The following FXN variants were observed in gnomAD, a reference collection of about 807,000 sequenced individuals.
FXN encodes frataxin, also known as frataxin, mitochondrial.
In FXN, 14 loss-of-function variants were observed where a neutral mutation model predicts 22.4. The observed-to-expected ratio is 0.62, with a 90% CI of 0.41 to 0.98. The LOEUF is 0.98. Among genes scored for constraint, FXN ranks in the 50% least tolerant of loss-of-function variants. The pLI is 0.00. For synonymous variants in FXN, 120 were observed against 114.1 expected, an observed-to-expected ratio of 1.05 and a Z score of -0.33; for missense variants, 267 against 268.4, an observed-to-expected ratio of 0.99 and a Z score of 0.04.
At position 69,072,926 on chromosome 9, in the gene FXN, C is replaced by G; in HGVS notation, c.*164C>G. 2.0e-6 allele frequency: 3 copies of G among 1,471,196 alleles called. No homozygotes were observed. Among genetic ancestry groups the G allele is most frequent in the Non-Finnish European group, 2.7e-6 (3 of 1,119,782 alleles). 91.1% of individuals were successfully genotyped at this position (1,471,196 alleles called of 1,614,324 possible). On this transcript the variant is annotated 3_prime_UTR_variant, in exon 5 of 5. Coordinates refer to ENST00000484259, the MANE Select transcript of FXN (RefSeq NM_000144.5). Reference sequence around the variant, plus strand: ...ACAGCTCTGTAGAAAGAATGTGTTGCCTCCTACCTTGCCCCCAAGTTCTGA... The same window carrying G: ...ACAGCTCTGTAGAAAGAATGTGTTGGCTCCTACCTTGCCCCCAAGTTCTGA...
chr9:69,046,008 GCCACCACCCA>G (rs1329710850), intron 1 of FXN, among the ~76,000 whole-genome samples: 2 of 152,218 alleles, frequency 1.3e-5, no homozygotes, highest in Admixed American at 1.3e-4. Flanking sequence ...GAAGTGCCAG[GCCACCACCCA>G]CTGGAGGTGA....
At position 69,078,146 on chromosome 9, in the gene FXN, T is replaced by A. The variant is rs1393427409; in HGVS notation, c.*5384T>A. 9 of 985,320 alleles carry A rather than the reference T, an allele frequency of 9.1e-6. No homozygotes were observed. In the African/African-American group the frequency reaches 1.6e-4, roughly 17 times the overall value. The allele number at this position is 985,320 out of a possible 1,614,324, so 61.0% of individuals were successfully genotyped here. A position where few individuals can be genotyped will look rare whatever the true frequency, so the allele number is the denominator to read the frequency against. ...TCAAAAGTAATAGAAACAGATGAGTTTGGAGTCAGGATTTCTCTGTAAGAT... is the reference window on the plus strand; with the variant it reads ...TCAAAAGTAATAGAAACAGATGAGTATGGAGTCAGGATTTCTCTGTAAGAT... On this transcript the variant is annotated 3_prime_UTR_variant, in exon 5 of 5. Transcript: ENST00000484259.
In FXN at chr9:69,078,636, C is replaced by G; in HGVS notation, c.*5874C>G. 1 of 985,908 alleles carries G rather than the reference C, an allele frequency of 1.0e-6. No individual in the cohort carries two copies. Among genetic ancestry groups the G allele is most frequent in the Middle Eastern group, 5.2e-4 (1 of 1,916 alleles). The allele number at this position is 985,908 out of a possible 1,614,324, so 61.1% of individuals were successfully genotyped here. On this transcript the variant is annotated 3_prime_UTR_variant, in exon 5 of 5. Coordinates refer to ENST00000484259, the MANE Select transcript of FXN (RefSeq NM_000144.5). Reference sequence around the variant, plus strand: ...CTTTTCTACCCCCTCACACTCAACACTTTGACTCCAGCAATCCCAAATCCC... The same window carrying G: ...CTTTTCTACCCCCTCACACTCAACAGTTTGACTCCAGCAATCCCAAATCCC...
intron 2 of FXN, among the ~76,000 whole-genome samples, chr9:69,048,560 A>G (rs2133105056): frequency 6.6e-6 from 1 of 152,168 alleles, no homozygotes; most frequent in South Asian, 2.1e-4. Flanking sequence ...AGCTGAGATC[A>G]TGCCATTGCA....
At position 69,065,015 on chromosome 9, in the gene FXN, C is replaced by T; in HGVS notation, c.462C>T (p.Ile154=). 6.2e-7 allele frequency: 1 copy of T among 1,613,808 alleles called. No individual in the cohort carries two copies. The highest frequency in any genetic ancestry group is 8.5e-7 in the Non-Finnish European group (1 of 1,179,744). The change falls in exon 4 of 5, where the codon ATC becomes ATT. Residue 154 remains isoleucine (I), a synonymous_variant. Coordinates refer to ENST00000484259, the MANE Select transcript of FXN (RefSeq NM_000144.5). ...VINKQTPNKQ[I]WLSSPSSGPK... Reference sequence around the variant, plus strand: ...ACAAGCAGACGCCAAACAAGCAAATCTGGCTATCTTCTCCATCCAGGTATG... The same window carrying T: ...ACAAGCAGACGCCAAACAAGCAAATTTGGCTATCTTCTCCATCCAGGTATG...
At chr9:69,041,034 A>C (rs1462434617) in intron 1 of FXN, among the ~76,000 whole-genome samples, 1 of 152,202 alleles carries the variant, frequency 6.6e-6, no homozygotes, top group Non-Finnish European at 1.5e-5. Context: ...ATTTTGTTAT[A>C]ACATCCCAGA....
intron 3 of FXN, among the ~76,000 whole-genome samples, chr9:69,058,428 T>C (rs1417303764): frequency 6.6e-6 from 1 of 152,052 alleles, no homozygotes; most frequent in Non-Finnish European, 1.5e-5. Context: ...CCTGGCATCT[T>C]AGATATTTTA....
chr9:69,036,060 C>T, intron 1 of FXN, 113 bp downstream of exon 1: 1 of 931,698 alleles, frequency 1.1e-6, no homozygotes, highest in Non-Finnish European at 1.4e-6. Context: ...GCGCGCTGGA[C>T]TAGCTCACCC....
intron 1 of FXN, among the ~76,000 whole-genome samples, chr9:69,040,411 G>GTAA (rs1831635664): frequency 6.6e-6 from 1 of 152,208 alleles, no homozygotes; most frequent in Admixed American, 6.5e-5. Context: ...GCTCACGCCT[G>GTAA]TAATCCCAGC....
chr9:69,062,223 C>T (rs1300337799), intron 3 of FXN, among the ~76,000 whole-genome samples: 2 of 152,184 alleles, frequency 1.3e-5, no homozygotes, highest in African/African-American at 4.8e-5. Flanking sequence ...GCGATTCTCC[C>T]ACCTCAGCCT....
At chr9:69,042,419 G>T (rs1031950139) in intron 1 of FXN, among the ~76,000 whole-genome samples, 2 of 152,034 alleles carry the variant, frequency 1.3e-5, no homozygotes, top group Non-Finnish European at 2.9e-5. Flanking sequence ...GGGTATTTCT[G>T]TTCTCTTGTT....
At chr9:69,062,505 C>G (rs774009421) in intron 3 of FXN, among the ~76,000 whole-genome samples, 2 of 151,980 alleles carry the variant, frequency 1.3e-5, no homozygotes, top group African/African-American at 4.8e-5. Context: ...AACAAACTTA[C>G]GTATTGTATA....
intron 1 of FXN, 174 bp downstream of exon 1, chr9:69,036,121 T>G: frequency 2.5e-6 from 1 of 407,012 alleles, no homozygotes; most frequent in Non-Finnish European, 3.9e-6. Context: ...CTCCCTTCTC[T>G]GGTTCTCCCG....
chr9:69,055,185 C>T (rs1042647272), intron 3 of FXN, among the ~76,000 whole-genome samples: 2 of 152,144 alleles, frequency 1.3e-5, no homozygotes, highest in Non-Finnish European at 2.9e-5. Context: ...CCTAGAGGGC[C>T]GGGCTGCTTG....
intron 1 of FXN, among the ~76,000 whole-genome samples, chr9:69,037,670 GTGTTT>G (rs1338930417): frequency 6.6e-6 from 1 of 152,068 alleles, no homozygotes; most frequent in South Asian, 2.1e-4. Flanking sequence ...CAGCAGAGTT[GTGTTT>G]TGTTTTGTTT....
intron 3 of FXN, among the ~76,000 whole-genome samples, chr9:69,054,329 C>T (rs1285620863): frequency 6.6e-6 from 1 of 152,150 alleles, no homozygotes; most frequent in Non-Finnish European, 1.5e-5. Flanking sequence ...TTGGATGAAA[C>T]ATTAGCCCCA....
intron 2 of FXN, among the ~76,000 whole-genome samples, chr9:69,047,778 T>C (rs544600854): frequency 6.6e-6 from 1 of 152,102 alleles, no homozygotes; most frequent in Non-Finnish European, 1.5e-5. Flanking sequence ...AGTGCAGTGG[T>C]GCGATCTCGG....
chr9:69,076,498 T>G lies in FXN; in HGVS notation c.*3736T>G. On this transcript the variant is annotated 3_prime_UTR_variant, in exon 5 of 5. Coordinates refer to ENST00000484259, the MANE Select transcript of FXN (RefSeq NM_000144.5). ...CGTGTGCCTTACCATGCTTATATTTTACTTGATCTTTTGCATACCTTCTAA... is the reference window on the plus strand; with the variant it reads ...CGTGTGCCTTACCATGCTTATATTTGACTTGATCTTTTGCATACCTTCTAA... The G allele has an allele frequency of 1.0e-6, 1 of 985,440 alleles. No homozygotes were observed. The highest frequency in any genetic ancestry group is 1.2e-6 in the Non-Finnish European group (1 of 829,904). 61.0% of individuals were successfully genotyped at this position (985,440 alleles called of 1,614,324 possible).
chr9:69,043,182 C>G (rs1831688484), intron 1 of FXN, among the ~76,000 whole-genome samples: 1 of 152,168 alleles, frequency 6.6e-6, no homozygotes, highest in African/African-American at 2.4e-5. Flanking sequence ...TGCTGCCCTG[C>G]CTTCTTATTT....
Sources: gnomAD v4.1 joint callset for allele counts (sites outside exome capture counted in the v4.1 genomes callset) on GRCh38, gnomAD v4.1.1 for gene constraint, MANE v1.5 for transcripts, NCBI Gene and HGNC (gene_info 2026-07-23, HGNC 2026-07-21) for gene names.